The following NKAIN2 variants were observed in gnomAD, a reference collection of about 807,000 sequenced individuals.
NKAIN2 encodes sodium/potassium transporting ATPase interacting 2.
Under a neutral mutation model 32.6 loss-of-function variants are expected in NKAIN2, and 14 were observed. The ratio of observed to expected loss-of-function variants is 0.43; its 90% CI spans 0.28 to 0.67. The LOEUF (loss-of-function observed/expected upper bound fraction) is 0.67, where lower values mean the gene tolerates loss of function less well. Ranked by LOEUF, NKAIN2 falls within the 30% of genes least tolerant of loss-of-function variation. The probability of loss-of-function intolerance (pLI) is 0.17; values close to 1 mark genes in which losing one functional copy is unlikely to be tolerated. For synonymous variants in NKAIN2, 80 were observed against 87.2 expected (o/e 0.92, Z 0.46); for missense variants, 198 against 258.3 (o/e 0.77, Z 1.60).
intron 1 of NKAIN2, among the ~76,000 whole-genome samples, chr6:124,229,089 G>A (rs1792283735): frequency 1.3e-5 from 2 of 152,140 alleles, no homozygotes; most frequent in South Asian, 4.1e-4. Context: ...GTAGTCATTG[G>A]AAGATATCCA....
At position 124,451,167 on chromosome 6, in the gene NKAIN2, G is replaced by A. The variant is rs553131372; in HGVS notation, c.273+95820G>A. On this transcript the variant is annotated intron_variant, in intron 3 of 6. Transcript: ENST00000368417. ...ATATTCATTGAAAGAAAAGCCAAGTGCATTATCTGAAGGGCCCAAGTGGAT... is the reference window on the plus strand; with the variant it reads ...ATATTCATTGAAAGAAAAGCCAAGTACATTATCTGAAGGGCCCAAGTGGAT... Among the ~76,000 whole-genome samples, 9 of 152,158 alleles carry A rather than the reference G, an allele frequency of 5.9e-5. No individual in the cohort carries two copies. The South Asian group carries it at 1.7e-3, about 28-fold the overall frequency.
intron 1 of NKAIN2, among the ~76,000 whole-genome samples, chr6:124,256,748 C>A (rs1005888157): frequency 6.6e-6 from 1 of 152,130 alleles, no homozygotes; most frequent in African/African-American, 2.4e-5. Context: ...AAAGATATTT[C>A]TGATACATTG....
chr6:124,132,236 T>A (rs1270362493), intron 1 of NKAIN2, among the ~76,000 whole-genome samples: 1 of 152,066 alleles, frequency 6.6e-6, no homozygotes, highest in Non-Finnish European at 1.5e-5. Context: ...CATACCCCTG[T>A]CCCCCACAGT....
chr6:123,965,042 C>G (rs1373754142), intron 1 of NKAIN2, among the ~76,000 whole-genome samples: 1 of 151,914 alleles, frequency 6.6e-6, no homozygotes, highest in Admixed American at 6.6e-5. Flanking sequence ...TTCCTTTTAC[C>G]CAGAATGTCT....
rs766482280 is a variant in NKAIN2 at position 124,453,322 on chromosome 6, AACACACAC to A, written c.273+98015_273+98022del. Among the ~76,000 whole-genome samples, 343 of 63,920 alleles carry A rather than the reference AACACACAC, an allele frequency of 5.4e-3. 3 individuals carry two copies. Among genetic ancestry groups the A allele is most frequent in the East Asian group, 0.014 (36 of 2,558 alleles). 41.9% of individuals were successfully genotyped at this position (63,920 alleles called of 152,430 possible). The stretch of plus-strand genomic sequence containing the variant: ...TTTCTCCCCCTCATACATGCATATA[AACACACAC>A]ACACACACACACACACACACACACA... On this transcript the variant is annotated intron_variant, in intron 3 of 6. Coordinates refer to ENST00000368417, the MANE Select transcript of NKAIN2 (RefSeq NM_001040214.3).
chr6:124,568,769 AG>A (rs1410070139), intron 3 of NKAIN2, among the ~76,000 whole-genome samples: 21 of 150,266 alleles, frequency 1.4e-4, no homozygotes, highest in Admixed American at 1.4e-3. Flanking sequence ...TGAGGAAAAA[AG>A]ACTCTGGTTC....
At chr6:124,008,650 A>T (rs1367939561) in intron 1 of NKAIN2, among the ~76,000 whole-genome samples, 1 of 152,082 alleles carries the variant, frequency 6.6e-6, no homozygotes, top group Non-Finnish European at 1.5e-5. Flanking sequence ...TGTTTATGAA[A>T]ATCCTTGCTG....
chr6:124,112,532 C>T (rs1785431427), intron 1 of NKAIN2, among the ~76,000 whole-genome samples: 1 of 152,000 alleles, frequency 6.6e-6, no homozygotes, highest in Non-Finnish European at 1.5e-5. Flanking sequence ...TTATAATGTG[C>T]CTCAGTGTGT....
rs1184868548 is a variant in NKAIN2 at position 124,712,357 on chromosome 6, T to G, written c.474+53971T>G. Among the ~76,000 whole-genome samples, 19 of 109,310 alleles carry G rather than the reference T, an allele frequency of 1.7e-4. 5 individuals are homozygous for G. The highest frequency in any genetic ancestry group is 7.2e-4 in the African/African-American group (19 of 26,242). 71.7% of individuals were successfully genotyped at this position (109,310 alleles called of 152,430 possible). On this transcript the variant is annotated intron_variant, in intron 4 of 6. Transcript: ENST00000368417. ...GTGGTGGGCTCCGCCCAGTTGGAGC[T>G]TTCTGGCTGCTTTGTTTACCTAATC...
At chr6:124,182,130 A>G (rs1428609334) in intron 1 of NKAIN2, among the ~76,000 whole-genome samples, 1 of 152,218 alleles carries the variant, frequency 6.6e-6, no homozygotes, top group Non-Finnish European at 1.5e-5. Flanking sequence ...AGCAGGCAAG[A>G]GAGCATGTGC....
intron 1 of NKAIN2, among the ~76,000 whole-genome samples, chr6:124,243,486 C>A (rs887059913): frequency 6.6e-6 from 1 of 151,338 alleles, no homozygotes; most frequent in African/African-American, 2.4e-5. Context: ...CAGAACAAGA[C>A]CCCGTCTCAA....
At position 124,339,339 on chromosome 6, in the gene NKAIN2, A is replaced by G. The variant is rs537361811; in HGVS notation, c.193-15928A>G. Among the ~76,000 whole-genome samples, 3 of 152,282 alleles carry G rather than the reference A, an allele frequency of 2.0e-5. No homozygotes were observed. The South Asian group carries it at 6.2e-4, about 32-fold the overall frequency. On this transcript the variant is annotated intron_variant, in intron 2 of 6. Transcript: ENST00000368417. ...CAGCCTGGCAACAGAATGAGACTCCATCTCAAACAAACAAACAACAACAAC... is the reference window on the plus strand; with the variant it reads ...CAGCCTGGCAACAGAATGAGACTCCGTCTCAAACAAACAAACAACAACAAC...
At chr6:123,911,813 A>ATGTATATATATATATATG (rs1775216919) in intron 1 of NKAIN2, among the ~76,000 whole-genome samples, 2 of 27,104 alleles carry the variant, frequency 7.4e-5, no homozygotes, top group African/African-American at 2.6e-4. Context: ...ATATATATAT[A>ATGTATATATATATATATG]CACACACACA....
chr6:124,348,239 G>T (rs1045994711), intron 2 of NKAIN2, among the ~76,000 whole-genome samples: 5 of 151,622 alleles, frequency 3.3e-5, no homozygotes, highest in African/African-American at 7.3e-5. Context: ...GTGTCAGTCT[G>T]CCCCCACTGG....
At chr6:124,109,732 G>T (rs115699575) in intron 1 of NKAIN2, among the ~76,000 whole-genome samples, 5 of 152,054 alleles carry the variant, frequency 3.3e-5, no homozygotes, top group Middle Eastern at 3.4e-3. Context: ...GATATTAGTT[G>T]TGGACTTTTC....
chr6:124,430,385 T>C (rs1032472204), intron 3 of NKAIN2, among the ~76,000 whole-genome samples: 7 of 152,168 alleles, frequency 4.6e-5, no homozygotes, highest in Admixed American at 2.0e-4. Flanking sequence ...ATAACAACAA[T>C]CATTTTACTG....
chr6:124,165,006 T>A (rs1788463368), intron 1 of NKAIN2, among the ~76,000 whole-genome samples: 1 of 152,058 alleles, frequency 6.6e-6, no homozygotes, highest in Non-Finnish European at 1.5e-5. Context: ...CTAGACAATC[T>A]TGTAGGGTTT....
At position 124,005,200 on chromosome 6, in the gene NKAIN2, G is replaced by A. The variant is rs531963463; in HGVS notation, c.54+200946G>A. On this transcript the variant is annotated intron_variant, in intron 1 of 6. Coordinates refer to ENST00000368417, the MANE Select transcript of NKAIN2 (RefSeq NM_001040214.3). ...AGATCTCGCCATTGTACTCCAGCCTGAGCAACAGAGTGAGACTCCATCTCA... is the reference window on the plus strand; with the variant it reads ...AGATCTCGCCATTGTACTCCAGCCTAAGCAACAGAGTGAGACTCCATCTCA... 3.3e-5 allele frequency among the ~76,000 whole-genome samples: 5 copies of A among 152,236 alleles called. No individual in the cohort carries two copies. The South Asian group carries it at 1.0e-3, about 32-fold the overall frequency.
chr6:124,818,243 C>G, intron 5 of NKAIN2, 144 bp from the exon 6 acceptor site: 1 of 432,068 alleles, frequency 2.3e-6, no homozygotes, highest in East Asian at 3.4e-5. Context: ...TCATTTCTTC[C>G]ATTTCTTTTT....
Sources: gnomAD v4.1 joint callset for allele counts (sites outside exome capture counted in the v4.1 genomes callset) on GRCh38, gnomAD v4.1.1 for gene constraint, MANE v1.5 for transcripts, NCBI Gene and HGNC (gene_info 2026-07-23, HGNC 2026-07-21) for gene names.